Variants in PTPRG observed in about 807,000 individuals in gnomAD.
PTPRG encodes receptor-type tyrosine-protein phosphatase gamma.
A neutral mutation model predicts 165.3 loss-of-function variants in PTPRG; 102 were observed. That is an observed-to-expected ratio of 0.62 (90% CI 0.53 to 0.73). The LOEUF (loss-of-function observed/expected upper bound fraction) is 0.73, where lower values mean the gene tolerates loss of function less well. PTPRG is among the 30% of genes least tolerant of loss of function. The pLI is 0.00. For missense variants in PTPRG, 1,866 were observed against 1,861.4 expected, an observed-to-expected ratio of 1.00 and a Z score of -0.05; for synonymous variants, 675 against 669.5, an observed-to-expected ratio of 1.01 and a Z score of -0.13.
intron 1 of PTPRG, among the ~76,000 whole-genome samples, chr3:61,670,226 T>C (rs987379135): frequency 1.3e-5 from 2 of 152,218 alleles, no homozygotes; most frequent in African/African-American, 4.8e-5. Context: ...GTCAGTGACT[T>C]ATGTTCAAAA....
intron 1 of PTPRG, among the ~76,000 whole-genome samples, chr3:61,681,209 C>T (rs920121965): frequency 2.0e-5 from 3 of 152,176 alleles, no homozygotes; most frequent in Admixed American, 2.0e-4. Context: ...TTAAAACCTT[C>T]ACTCTGCGTT....
At chr3:61,941,215 C>G (rs1013261568) in intron 2 of PTPRG, among the ~76,000 whole-genome samples, 1 of 152,258 alleles carries the variant, frequency 6.6e-6, no homozygotes, top group Non-Finnish European at 1.5e-5. Context: ...GTCCTGCAGT[C>G]GTCCAACATG....
chr3:61,619,060 GGTGGGA>G (rs1701381856), intron 1 of PTPRG, among the ~76,000 whole-genome samples: 1 of 151,960 alleles, frequency 6.6e-6, no homozygotes, highest in East Asian at 1.9e-4. Flanking sequence ...GGGAGGCTGA[GGTGGGA>G]GGATTGCCTG....
At chr3:62,258,704 G>A (rs1163409242) in intron 16 of PTPRG, among the ~76,000 whole-genome samples, 2 of 152,266 alleles carry the variant, frequency 1.3e-5, no homozygotes, top group Non-Finnish European at 2.9e-5. Flanking sequence ...TCTAGAGACC[G>A]TGAAAAGCAA....
At chr3:62,022,295 G>T (rs2041714366) in intron 4 of PTPRG, among the ~76,000 whole-genome samples, 1 of 152,192 alleles carries the variant, frequency 6.6e-6, no homozygotes, top group Admixed American at 6.5e-5. Flanking sequence ...CATGTGAGAA[G>T]TCTTCCAGCT....
At chr3:62,038,716 C>G (rs546255124) in intron 4 of PTPRG, among the ~76,000 whole-genome samples, 1 of 152,146 alleles carries the variant, frequency 6.6e-6, no homozygotes, top group Non-Finnish European at 1.5e-5. Context: ...TCTTAATGAC[C>G]GCAGTTGTTA....
At chr3:61,642,155 C>T (rs190467349) in intron 1 of PTPRG, among the ~76,000 whole-genome samples, 1 of 152,162 alleles carries the variant, frequency 6.6e-6, no homozygotes, top group East Asian at 1.9e-4. Flanking sequence ...TAAATTGGTT[C>T]CTCTGGCCAT....
At chr3:61,975,659 G>T (rs959329175) in intron 2 of PTPRG, among the ~76,000 whole-genome samples, 4 of 110,174 alleles carry the variant, frequency 3.6e-5, no homozygotes, top group African/African-American at 1.8e-4. Context: ...TTTTTCTGAA[G>T]AATACTTTTT....
At chr3:61,961,446 C>T (rs140542894) in intron 2 of PTPRG, among the ~76,000 whole-genome samples, 2 of 152,240 alleles carry the variant, frequency 1.3e-5, no homozygotes, top group Non-Finnish European at 2.9e-5. Flanking sequence ...AACCATTTCA[C>T]TTCATTTTTC....
intron 5 of PTPRG, among the ~76,000 whole-genome samples, chr3:62,127,379 A>G (rs532022906): frequency 6.6e-6 from 1 of 152,338 alleles, no homozygotes; most frequent in Non-Finnish European, 1.5e-5. Flanking sequence ...TGTGAAATCA[A>G]ACATCCTGAG....
chr3:61,903,954 C>T (rs2038571039), intron 2 of PTPRG, among the ~76,000 whole-genome samples: 1 of 152,176 alleles, frequency 6.6e-6, no homozygotes, highest in Non-Finnish European at 1.5e-5. Context: ...CATTTCTGGA[C>T]TGACTTAAAC....
At chr3:61,694,023 AAAAG>A (rs997539727) in intron 1 of PTPRG, among the ~76,000 whole-genome samples, 9 of 144,104 alleles carry the variant, frequency 6.2e-5, no homozygotes, top group South Asian at 2.2e-4. Context: ...AAAAAAAAAA[AAAAG>A]AGAGAGAGAG....
In PTPRG at chr3:62,293,161, G is replaced by C. The variant is rs1164922176; in HGVS notation, c.4192G>C (p.Glu1398Gln). The C allele has an allele frequency of 6.3e-7, 1 of 1,578,768 alleles. No homozygotes were observed. Among genetic ancestry groups the C allele is most frequent in the Non-Finnish European group, 8.6e-7 (1 of 1,166,638 alleles). Reference protein sequence around the residue: ...LMRPGVFTDIEQYQFIYKAML... With the variant: ...LMRPGVFTDIQQYQFIYKAML... ...AAACTGTCTTCCTCTTGTTTTTCAG[G>C]AACAATACCAGTTCATCTATAAAGC... Residue 1398 changes from glutamate to glutamine, a missense_variant and splice_region_variant, in exon 30 of 30, where the codon GAA (glutamate) becomes CAA (glutamine). Glu to Gln is a conservative substitution (Grantham distance 29). Coordinates refer to ENST00000474889, the MANE Select transcript of PTPRG (RefSeq NM_002841.4).
chr3:62,142,292 A>T (rs543281498), intron 6 of PTPRG, among the ~76,000 whole-genome samples: 1 of 151,992 alleles, frequency 6.6e-6, no homozygotes, highest in Non-Finnish European at 1.5e-5. Context: ...TTAAAAGGAA[A>T]CCCAAGTGAT....
chr3:62,077,780 G>A (rs966246291), intron 4 of PTPRG, among the ~76,000 whole-genome samples: 3 of 152,132 alleles, frequency 2.0e-5, no homozygotes, highest in African/African-American at 7.2e-5. Flanking sequence ...AAAGCAAGCA[G>A]ATCACTTTAG....
chr3:62,177,823 GTTT>G (rs1705482380), intron 8 of PTPRG, among the ~76,000 whole-genome samples: 1 of 152,120 alleles, frequency 6.6e-6, no homozygotes, highest in Non-Finnish European at 1.5e-5. Context: ...CCAGCCACTT[GTTT>G]CAGGGCACCA....
At chr3:62,120,486 C>T (rs961257090) in intron 5 of PTPRG, among the ~76,000 whole-genome samples, 1 of 74,012 alleles carries the variant, frequency 1.4e-5, no homozygotes, top group Admixed American at 1.4e-4. Flanking sequence ...TGCAGTGGCT[C>T]ACGCCTGTAA....
intron 2 of PTPRG, among the ~76,000 whole-genome samples, chr3:61,828,165 T>C (rs933119498): frequency 2.0e-5 from 3 of 152,210 alleles, no homozygotes; most frequent in African/African-American, 7.2e-5. Context: ...CAAGGTACAT[T>C]ACATAGTTTA....
At chr3:61,808,832 T>A (rs986321476) in intron 2 of PTPRG, among the ~76,000 whole-genome samples, 13 of 151,886 alleles carry the variant, frequency 8.6e-5, no homozygotes, top group African/African-American at 2.9e-4. Flanking sequence ...ACAACTTGGG[T>A]CAACTCCTAA....
Sources: allele counts gnomAD v4.1 joint callset (sites outside exome capture counted in the v4.1 genomes callset), GRCh38; gene constraint gnomAD v4.1.1; transcripts MANE v1.5; gene names NCBI Gene and HGNC (gene_info 2026-07-23, HGNC 2026-07-21).